KYNU: variants seen among roughly 807,000 people sequenced by gnomAD.
The protein encoded by KYNU is L-kynurenine hydrolase.
KYNU carries 54 observed loss-of-function variants against 59.2 expected under a neutral mutation model. The ratio of observed to expected loss-of-function variants is 0.91; its 90% CI spans 0.73 to 1.14. The LOEUF is 1.14. KYNU is among the 50% of genes most tolerant of loss of function. The pLI is 0.00. For missense variants in KYNU, 567 were observed against 554.4 expected, an observed-to-expected ratio of 1.02 and a Z score of -0.23; for synonymous variants, 177 against 192.0, an observed-to-expected ratio of 0.92 and a Z score of 0.65.
intron 8 of KYNU, among the ~76,000 whole-genome samples, chr2:142,964,039 G>GTT (rs953088309): frequency 6.7e-6 from 1 of 150,100 alleles, no homozygotes; most frequent in Admixed American, 6.6e-5. Flanking sequence ...CTTTTATAAA[G>GTT]TTTTTTTTTG....
At chr2:143,015,184 C>T (rs1686213662) in intron 10 of KYNU, among the ~76,000 whole-genome samples, 1 of 152,138 alleles carries the variant, frequency 6.6e-6, no homozygotes, top group African/African-American at 2.4e-5. Flanking sequence ...AGATTTAGTG[C>T]TTTTCTGGAA....
At chr2:143,015,749 A>T (rs1001076015) in intron 10 of KYNU, among the ~76,000 whole-genome samples, 10 of 152,006 alleles carry the variant, frequency 6.6e-5, no homozygotes, top group African/African-American at 2.4e-4. Context: ...ACTACCCAAA[A>T]CATTTCCCCT....
At chr2:142,907,261 A>G (rs1285680455) in intron 2 of KYNU, among the ~76,000 whole-genome samples, 1 of 152,144 alleles carries the variant, frequency 6.6e-6, no homozygotes, top group East Asian at 1.9e-4. Flanking sequence ...ATTCCAAGGA[A>G]TGGAAACTTG....
At chr2:142,877,879 C>A (rs1171965231) in intron 1 of KYNU, 143 bp downstream of exon 1, 1 of 151,886 alleles carries the variant, frequency 6.6e-6, no homozygotes, top group Non-Finnish European at 1.5e-5. Flanking sequence ...TATATATATT[C>A]TTTTTGTAAA....
rs1462072348 is a variant in KYNU at position 143,042,190 on chromosome 2, A to G, written c.*18A>G. On this transcript the variant is annotated 3_prime_UTR_variant, in exon 14 of 14. Transcript: ENST00000264170. ...AAAATTAGCAGTGTTTTCTAGAACA[A>G]CTTAAGCAAATTATACTGAAAGCTG... The G allele has an allele frequency of 1.9e-6, 3 of 1,605,286 alleles. No homozygotes were observed. The highest frequency in any genetic ancestry group is 1.7e-5 in the Admixed American group (1 of 59,746).
At chr2:142,907,609 C>G (rs1682344000) in intron 2 of KYNU, among the ~76,000 whole-genome samples, 1 of 152,172 alleles carries the variant, frequency 6.6e-6, no homozygotes, top group African/African-American at 2.4e-5. Context: ...AACAGAGCTC[C>G]CATACAATGG....
At chr2:142,960,508 G>GAA (rs141976561) in intron 7 of KYNU, 116 bp from the exon 8 acceptor site, 634 of 779,488 alleles carry the variant, frequency 8.1e-4, no homozygotes, top group Admixed American at 4.6e-3. Flanking sequence ...ACCTTAATCT[G>GAA]AAAAAAAAAA....
At chr2:142,937,797 T>G (rs148539240) in intron 4 of KYNU, among the ~76,000 whole-genome samples, 36 of 152,322 alleles carry the variant, frequency 2.4e-4, no homozygotes, top group African/African-American at 8.2e-4. Flanking sequence ...ATGCCTCCAT[T>G]TAGGTAACAG....
chr2:142,890,233 G>A (rs1266379687), intron 2 of KYNU, among the ~76,000 whole-genome samples: 6 of 152,124 alleles, frequency 3.9e-5, no homozygotes, highest in Middle Eastern at 3.2e-3. Flanking sequence ...AGGCATACAT[G>A]TGGAAAGATA....
rs1358404028 is a variant in KYNU, at chr2:143,051,022, G to A, written c.*8850G>A. ...GCACTGTGTGTATGATATGCTCTAT[G>A]TTCTCTTCCCACTAATAATTTTATT... On this transcript the variant is annotated 3_prime_UTR_variant, in exon 14 of 14. Coordinates refer to ENST00000264170, the MANE Select transcript of KYNU (RefSeq NM_003937.3). The A allele has an allele frequency of 6.6e-6, 1 of 152,154 alleles. No individual in the cohort carries two copies. Among genetic ancestry groups the A allele is most frequent in the Non-Finnish European group, 1.5e-5 (1 of 68,026 alleles). The allele number at this position is 152,154 out of a possible 1,614,324, so 9.4% of individuals were successfully genotyped here.
chr2:142,911,926 T>G (rs531669229), intron 2 of KYNU, among the ~76,000 whole-genome samples: 80 of 152,304 alleles, frequency 5.3e-4, no homozygotes, highest in African/African-American at 1.9e-3. Context: ...AACTTTTTCA[T>G]GTGCTTCTGG....
chr2:142,929,934 G>A (rs1481318717), intron 4 of KYNU, among the ~76,000 whole-genome samples: 1 of 152,154 alleles, frequency 6.6e-6, no homozygotes, highest in East Asian at 1.9e-4. Context: ...CTTCAGGATT[G>A]GAAGGGACTG....
intron 8 of KYNU, among the ~76,000 whole-genome samples, chr2:142,984,284 A>T (rs1402615386): frequency 6.6e-6 from 1 of 152,020 alleles, no homozygotes; most frequent in Non-Finnish European, 1.5e-5. Flanking sequence ...TTACTACTAT[A>T]TTCATCAGAA....
intron 4 of KYNU, among the ~76,000 whole-genome samples, chr2:142,954,605 T>G (rs1260824521): frequency 1.3e-5 from 2 of 152,080 alleles, no homozygotes; most frequent in East Asian, 3.8e-4. Context: ...AAATTTAATT[T>G]TAGCTAGCTG....
At chr2:142,928,096 T>C (rs1279275891) in intron 4 of KYNU, among the ~76,000 whole-genome samples, 1 of 152,220 alleles carries the variant, frequency 6.6e-6, no homozygotes, top group African/African-American at 2.4e-5. Flanking sequence ...CTATTTGATA[T>C]AATGAACATT....
intron 10 of KYNU, among the ~76,000 whole-genome samples, chr2:143,010,838 CT>C (rs1262767502): frequency 1.4e-5 from 2 of 144,416 alleles, no homozygotes; most frequent in Non-Finnish European, 3.0e-5. Flanking sequence ...ATAAATGGTG[CT>C]GGGAAAACTG....
chr2:142,972,805 T>TAGAGAGAG (rs200579092), intron 8 of KYNU, among the ~76,000 whole-genome samples: 4 of 138,936 alleles, frequency 2.9e-5, no homozygotes, highest in East Asian at 2.7e-4. Flanking sequence ...TATATATATA[T>TAGAGAGAG]ATATATATAG....
chr2:142,976,868 C>G lies in KYNU; in HGVS notation c.730-8216C>G, dbSNP rs12467638. 5.7e-4 allele frequency among the ~76,000 whole-genome samples: 87 copies of G among 152,188 alleles called. No individual in the cohort carries two copies. In the Middle Eastern group the frequency reaches 0.01, roughly 18 times the overall value. ...TTTAATCTGGAAGGGAAAGACAACTCGAAGCTGAAAGCCTGGGGAGGAGAG... is the reference window on the plus strand; with the variant it reads ...TTTAATCTGGAAGGGAAAGACAACTGGAAGCTGAAAGCCTGGGGAGGAGAG... On this transcript the variant is annotated intron_variant, in intron 8 of 13. Coordinates refer to ENST00000264170, the MANE Select transcript of KYNU (RefSeq NM_003937.3).
In KYNU at chr2:143,045,623, GT is replaced by G. The variant is rs1156809757; in HGVS notation, c.*3453del. 1 of 151,998 alleles carries G rather than the reference GT, an allele frequency of 6.6e-6. No individual in the cohort carries two copies. The highest frequency in any genetic ancestry group is 1.9e-4 in the East Asian group (1 of 5,184). The allele number at this position is 151,998 out of a possible 1,614,324, so 9.4% of individuals were successfully genotyped here. On this transcript the variant is annotated 3_prime_UTR_variant, in exon 14 of 14. Coordinates refer to ENST00000264170, the MANE Select transcript of KYNU (RefSeq NM_003937.3). ...TGAATGGGAGTTCACTCATGATTTG[GT>G]TCTCTGTTTGTCCTATATACATATG...
Sources: gnomAD v4.1 joint callset for allele counts (sites outside exome capture counted in the v4.1 genomes callset) on GRCh38, gnomAD v4.1.1 for gene constraint, MANE v1.5 for transcripts, NCBI Gene and HGNC (gene_info 2026-07-23, HGNC 2026-07-21) for gene names.